Variants in MAP3K13 observed in about 807,000 individuals in gnomAD.
MAP3K13 encodes the protein leucine zipper-bearing kinase.
Under a neutral mutation model 104.0 loss-of-function variants are expected in MAP3K13, and 52 were observed. That is an observed-to-expected ratio of 0.50 (90% CI 0.40 to 0.63). MAP3K13 has a LOEUF of 0.63. MAP3K13 is among the 20% of genes least tolerant of loss of function. The probability of loss-of-function intolerance (pLI) is 0.00; values close to 1 mark genes in which losing one functional copy is unlikely to be tolerated. For missense variants in MAP3K13, 914 were observed against 1,218.5 expected (o/e 0.75, Z 3.72); for synonymous variants, 394 against 442.2 (o/e 0.89, Z 1.37).
chr3:185,430,494 CTT>C (rs1273519409), intron 2 of MAP3K13, among the ~76,000 whole-genome samples: 1 of 152,054 alleles, frequency 6.6e-6, no homozygotes, highest in Non-Finnish European at 1.5e-5. Flanking sequence ...TCATTCCTCT[CTT>C]TGTGTCTATG....
Position 185,432,185 on chromosome 3 carries a change from C to CTTTTTTT in MAP3K13, c.475+3145_475+3151dup, listed in dbSNP as rs11407161. On this transcript the variant is annotated intron_variant, in intron 2 of 13. Transcript: ENST00000265026. Reference sequence around the variant, plus strand: ...ATCCAGAGATAACCATTTCTAATTGCTTTTTTTTTTTTTTTTTTTTTTGAG... The same window carrying CTTTTTTT: ...ATCCAGAGATAACCATTTCTAATTGCTTTTTTTTTTTTTTTTTTTTTTTTTTTTTGAG... 4.0e-4 allele frequency among the ~76,000 whole-genome samples: 36 copies of CTTTTTTT among 90,108 alleles called. 1 individual carries two copies. Among genetic ancestry groups the CTTTTTTT allele is most frequent in the Non-Finnish European group, 4.1e-4 (20 of 48,630 alleles). 59.1% of individuals were successfully genotyped at this position (90,108 alleles called of 152,430 possible).
chr3:185,324,809 A>T (rs1577425180), intron 2 of MAP3K13, among the ~76,000 whole-genome samples: 1 of 16,336 alleles, frequency 6.1e-5, no homozygotes, highest in South Asian at 1.8e-3. Flanking sequence ...CGGCACAATT[A>T]AAAAAAAAAA....
intron 7 of MAP3K13, among the ~76,000 whole-genome samples, chr3:185,454,628 T>TATTTATATG (rs1716219124): frequency 1.9e-5 from 1 of 52,262 alleles, no homozygotes; most frequent in Non-Finnish European, 3.9e-5. Flanking sequence ...ATATATGAGA[T>TATTTATATG]ATATATATGA....
chr3:185,373,410 G>A (rs182714729), intron 1 of MAP3K13, among the ~76,000 whole-genome samples: 15 of 152,304 alleles, frequency 9.8e-5, no homozygotes, highest in Admixed American at 9.1e-4. Flanking sequence ...AGGAGGCTGA[G>A]GCGGGTGGTT....
chr3:185,380,281 G>C (rs542062228), intron 1 of MAP3K13, among the ~76,000 whole-genome samples: 6 of 150,862 alleles, frequency 4.0e-5, no homozygotes, highest in African/African-American at 1.5e-4. Flanking sequence ...GGGAAGCCAA[G>C]GCAGGAGGAT....
intron 2 of MAP3K13, among the ~76,000 whole-genome samples, chr3:185,433,265 C>T (rs1221536745): frequency 1.3e-5 from 2 of 152,108 alleles, no homozygotes; most frequent in Non-Finnish European, 2.9e-5. Context: ...TTTCTCAGTC[C>T]TAAGGATTCT....
chr3:185,373,889 C>G (rs193145143), intron 1 of MAP3K13, among the ~76,000 whole-genome samples: 11 of 143,214 alleles, frequency 7.7e-5, no homozygotes, highest in Non-Finnish European at 1.6e-4. Flanking sequence ...TGCAGGCGGG[C>G]TGAGTCCGCA....
At chr3:185,356,917 T>C (rs1723380386) in intron 2 of MAP3K13, among the ~76,000 whole-genome samples, 1 of 152,154 alleles carries the variant, frequency 6.6e-6, no homozygotes, top group African/African-American at 2.4e-5. Flanking sequence ...TATTTATGTA[T>C]TGAGACGGAG....
Position 185,454,431 on chromosome 3 carries a change from A to AGC in MAP3K13, c.1278+3036_1278+3037insGC, listed in dbSNP as rs1491290901. Among the ~76,000 whole-genome samples the AGC allele has an allele frequency of 2.7e-4, 29 of 105,996 alleles. 5 individuals carry two copies. Among genetic ancestry groups the AGC allele is most frequent in the African/African-American group, 3.3e-4 (9 of 27,198 alleles). 69.5% of individuals were successfully genotyped at this position (105,996 alleles called of 152,430 possible). On this transcript the variant is annotated intron_variant, in intron 7 of 13. Transcript: ENST00000265026. Reference sequence around the variant, plus strand: ...ATATGAGATATATGAGATATATATGATATATATGAGATATATATATGAGAT... The same window carrying AGC: ...ATATGAGATATATGAGATATATATGAGCTATATATGAGATATATATATGAGAT...
In MAP3K13 at chr3:185,455,283, TG is replaced by T. The variant is rs1312507773; in HGVS notation, c.1278+3889del. On this transcript the variant is annotated intron_variant, in intron 7 of 13. Coordinates refer to ENST00000265026, the MANE Select transcript of MAP3K13 (RefSeq NM_004721.5). Reference sequence around the variant, plus strand: ...ATATATGAGATATATATGAGATATATGAGATATATATATGAGATATATATGA... The same window carrying T: ...ATATATGAGATATATATGAGATATATAGATATATATATGAGATATATATGA... Among the ~76,000 whole-genome samples the T allele has an allele frequency of 1.8e-4, 16 of 87,000 alleles. 2 individuals are homozygous for T. Among genetic ancestry groups the T allele is most frequent in the African/African-American group, 5.5e-4 (15 of 27,262 alleles). 57.1% of individuals were successfully genotyped at this position (87,000 alleles called of 152,430 possible).
In MAP3K13 at chr3:185,306,269, A is replaced by C. The variant is rs1042053997; in HGVS notation, c.-86+20626A>C. Among the ~76,000 whole-genome samples, 4 of 152,160 alleles carry C rather than the reference A, an allele frequency of 2.6e-5. 1 individual carries two copies. The South Asian group carries it at 8.3e-4, about 32-fold the overall frequency. On this transcript the variant is annotated intron_variant, in intron 2 of 14. Coordinates refer to the MAP3K13 transcript ENST00000424227. ...AGTGCATGTGTCTTTTTGGTATAAC[A>C]ATTTATTTTCTTTTGGATGTATACC...
chr3:185,441,136 G>T (rs191976461), intron 3 of MAP3K13, among the ~76,000 whole-genome samples: 5 of 152,294 alleles, frequency 3.3e-5, no homozygotes, highest in African/African-American at 1.2e-4. Context: ...TGATCTAGTT[G>T]TGATTAGGAC....
At chr3:185,404,566 G>A (rs1264266866) in intron 1 of MAP3K13, among the ~76,000 whole-genome samples, 3 of 152,042 alleles carry the variant, frequency 2.0e-5, no homozygotes, top group Non-Finnish European at 4.4e-5. Context: ...AGGGACCCAC[G>A]CTTGGTTTAA....
At chr3:185,402,156 T>G (rs937610354) in intron 1 of MAP3K13, among the ~76,000 whole-genome samples, 1 of 152,200 alleles carries the variant, frequency 6.6e-6, no homozygotes, top group Non-Finnish European at 1.5e-5. Flanking sequence ...CAGGTGCTCT[T>G]AAAAACGGTC....
rs1718575791 is a variant in MAP3K13, at chr3:185,483,556, C to G, written c.*1100C>G. On this transcript the variant is annotated 3_prime_UTR_variant, in exon 14 of 14. Coordinates refer to ENST00000265026, the MANE Select transcript of MAP3K13 (RefSeq NM_004721.5). Reference sequence around the variant, plus strand: ...CTACGAGGAGAAGATGGAACCACCCCTCTCTGGAGCCAGGTTGCTTGTCTA... The same window carrying G: ...CTACGAGGAGAAGATGGAACCACCCGTCTCTGGAGCCAGGTTGCTTGTCTA... 8.9e-6 allele frequency: 2 copies of G among 225,282 alleles called. No homozygotes were observed. Among genetic ancestry groups the G allele is most frequent in the Non-Finnish European group, 1.8e-5 (2 of 113,242 alleles). The allele number at this position is 225,282 out of a possible 1,614,324, so 14.0% of individuals were successfully genotyped here.
chr3:185,466,167 A>G (rs1194310773), intron 9 of MAP3K13, among the ~76,000 whole-genome samples: 1 of 152,192 alleles, frequency 6.6e-6, no homozygotes, highest in Non-Finnish European at 1.5e-5. Context: ...CCCTGGGGAA[A>G]TGTATTGGCT....
intron 2 of MAP3K13, among the ~76,000 whole-genome samples, chr3:185,299,553 C>CTTTT (rs1195743775): frequency 8.5e-4 from 6 of 7,090 alleles, no homozygotes; most frequent in Non-Finnish European, 2.8e-3. Flanking sequence ...CTCTCTCTCT[C>CTTTT]TTTTTTTTTT....
chr3:185,395,403 G>T (rs1463341945), intron 1 of MAP3K13, among the ~76,000 whole-genome samples: 1 of 53,522 alleles, frequency 1.9e-5, no homozygotes, highest in Admixed American at 3.5e-4. Flanking sequence ...CTGTCGCCCA[G>T]GCTGGAGTGC....
chr3:185,467,481 G>A (rs1223919041), intron 10 of MAP3K13, among the ~76,000 whole-genome samples: 1 of 152,058 alleles, frequency 6.6e-6, no homozygotes, highest in Non-Finnish European at 1.5e-5. Flanking sequence ...GTCCCTTCTT[G>A]CATTGCCATA....
Sources: allele counts gnomAD v4.1 joint callset (sites outside exome capture counted in the v4.1 genomes callset), GRCh38; gene constraint gnomAD v4.1.1; transcripts MANE v1.5; gene names NCBI Gene and HGNC (gene_info 2026-07-23, HGNC 2026-07-21).